The following TAS1R1 variants were observed in gnomAD, a reference collection of about 807,000 sequenced individuals.
TAS1R1 encodes taste receptor type 1 member 1.
A neutral mutation model predicts 45.8 loss-of-function variants in TAS1R1; 31 were observed. The ratio of observed to expected loss-of-function variants is 0.68; its 90% CI spans 0.51 to 0.91. The LOEUF (loss-of-function observed/expected upper bound fraction) is 0.91, where lower values mean the gene tolerates loss of function less well. Among genes scored for constraint, TAS1R1 ranks in the 40% least tolerant of loss-of-function variants. The pLI, the probability that TAS1R1 is intolerant of heterozygous loss-of-function variation, is 0.00. For missense variants in TAS1R1, 1,051 were observed against 1,063.9 expected (o/e 0.99, Z 0.17); for synonymous variants, 437 against 448.4 (o/e 0.97, Z 0.32).
rs76289157 is a variant in TAS1R1 at position 6,579,697 on chromosome 1, G to C, written c.*113G>C. On this transcript the variant is annotated 3_prime_UTR_variant, in exon 6 of 6. Coordinates refer to ENST00000333172, the MANE Select transcript of TAS1R1 (RefSeq NM_138697.4). ...GCATCGCGGTCTGGGGTTGGGACGT[G>C]TAAGCGCCTGGGAGAGCCTAGACCA... 5.8e-3 allele frequency: 8,272 copies of C among 1,419,152 alleles called. 356 individuals are homozygous for C. In the African/African-American group the frequency reaches 0.1, roughly 17 times the overall value. The allele number at this position is 1,419,152 out of a possible 1,614,324, so 87.9% of individuals were successfully genotyped here.
chr1:6,579,150 C>T lies in TAS1R1; in HGVS notation c.2092C>T (p.Leu698=). 1 of 1,614,220 alleles carries T rather than the reference C, an allele frequency of 6.2e-7. No homozygotes were observed. Among genetic ancestry groups the T allele is most frequent in the Non-Finnish European group, 8.5e-7 (1 of 1,180,034 alleles). Residue 698 remains leucine (L), a synonymous_variant, in exon 6 of 6, where the codon CTG becomes TTG. Coordinates refer to ENST00000333172, the MANE Select transcript of TAS1R1 (RefSeq NM_138697.4). ...AAQLLICLTW[L]VVWTPLPARE... ...CCAGCTGCTTATCTGTCTAACTTGG[C>T]TGGTGGTGTGGACCCCACTGCCTGC...
intron 1 of TAS1R1, among the ~76,000 whole-genome samples, chr1:6,556,247 T>G (rs1371466894): frequency 6.6e-6 from 1 of 152,160 alleles, no homozygotes; most frequent in Non-Finnish European, 1.5e-5. Flanking sequence ...ACAAGTAGGA[T>G]TCTCCATGGT....
At chr1:6,577,964 T>C (rs1458807638) in intron 5 of TAS1R1, among the ~76,000 whole-genome samples, 1 of 152,206 alleles carries the variant, frequency 6.6e-6, no homozygotes, top group Non-Finnish European at 1.5e-5. Flanking sequence ...TAAATGAATA[T>C]AGCTATTGTT....
chr1:6,569,945 G>A (rs1036084320), intron 1 of TAS1R1, among the ~76,000 whole-genome samples: 2 of 148,804 alleles, frequency 1.3e-5, no homozygotes, highest in African/African-American at 2.4e-5. Context: ...GGAAGGGGAG[G>A]GTGGCCAGGA....
intron 2 of TAS1R1, among the ~76,000 whole-genome samples, chr1:6,572,285 T>C (rs1050809533): frequency 1.2e-5 from 1 of 82,162 alleles, no homozygotes; most frequent in African/African-American, 4.0e-5. Context: ...TTTTTTTTTT[T>C]TGAGACACAG....
At chr1:6,573,148 A>G (rs1234006401) in intron 2 of TAS1R1, among the ~76,000 whole-genome samples, 1 of 152,168 alleles carries the variant, frequency 6.6e-6, no homozygotes, top group African/African-American at 2.4e-5. Flanking sequence ...AGTCAGAGAT[A>G]CGCTCATGAA....
intron 1 of TAS1R1, among the ~76,000 whole-genome samples, chr1:6,560,093 TCAAGACCAGCCTGAC>T (rs1441157355): frequency 3.3e-5 from 5 of 150,974 alleles, no homozygotes; most frequent in African/African-American, 9.8e-5. Flanking sequence ...GTTCAGGAGT[TCAAGACCAGCCTGAC>T]CAACATGGAG....
At chr1:6,562,429 A>G (rs1639806541) in intron 1 of TAS1R1, among the ~76,000 whole-genome samples, 1 of 152,070 alleles carries the variant, frequency 6.6e-6, no homozygotes, top group South Asian at 2.1e-4. Flanking sequence ...CGGCCTCCCA[A>G]AGTGCTGGGA....
At chr1:6,568,954 T>G (rs1171282956) in intron 1 of TAS1R1, among the ~76,000 whole-genome samples, 2 of 148,980 alleles carry the variant, frequency 1.3e-5, no homozygotes, top group African/African-American at 4.9e-5. Flanking sequence ...TGGTAGAGGT[T>G]GGAGAGGGAG....
chr1:6,559,259 G>C (rs920185445), intron 1 of TAS1R1, among the ~76,000 whole-genome samples: 4 of 150,950 alleles, frequency 2.6e-5, no homozygotes, highest in Admixed American at 6.6e-5. Flanking sequence ...CGAACTTCTG[G>C]CCTCAAGTGA....
chr1:6,579,736 C>A lies in TAS1R1; in HGVS notation c.*152C>A. 9.3e-7 allele frequency: 1 copy of A among 1,072,264 alleles called. No individual in the cohort carries two copies. The highest frequency in any genetic ancestry group is 1.3e-6 in the Non-Finnish European group (1 of 768,480). 66.4% of individuals were successfully genotyped at this position (1,072,264 alleles called of 1,614,324 possible). A position where few individuals can be genotyped will look rare whatever the true frequency, so the allele number is the denominator to read the frequency against. ...GAGCCTAGACCAGGCTCCGGGCTGC[C>A]AATAAAGAAGTGAAATGCGTATCTG... On this transcript the variant is annotated 3_prime_UTR_variant, in exon 6 of 6. Coordinates refer to ENST00000333172, the MANE Select transcript of TAS1R1 (RefSeq NM_138697.4).
intron 1 of TAS1R1, among the ~76,000 whole-genome samples, chr1:6,560,446 C>T (rs1047993885): frequency 7.9e-5 from 12 of 152,148 alleles, no homozygotes; most frequent in South Asian, 2.1e-4. Flanking sequence ...GGAGCAGGGG[C>T]GCCTAGGGGC....
Position 6,571,107 on chromosome 1 carries a change from A to G in TAS1R1, c.390A>G (p.Gln130=). The change falls in exon 2 of 6, where the codon CAA becomes CAG. Residue 130 remains glutamine (Q), a synonymous_variant. Transcript: ENST00000333172. ...CAGGGCAACACCACATAGAGCTCCA[A>G]GGAGACCTTCTCCACTATTCCCCTA... ...SLPGQHHIEL[Q]GDLLHYSPTV... 1 of 1,614,054 alleles carries G rather than the reference A, an allele frequency of 6.2e-7. No homozygotes were observed. Among genetic ancestry groups the G allele is most frequent in the African/African-American group, 1.3e-5 (1 of 75,050 alleles).
intron 1 of TAS1R1, among the ~76,000 whole-genome samples, chr1:6,564,039 G>A (rs992150586): frequency 6.6e-5 from 10 of 152,132 alleles, no homozygotes; most frequent in African/African-American, 2.2e-4. Context: ...CTTTAGGGAC[G>A]GGCATGAGGC....
Position 6,567,086 on chromosome 1 carries a change from T to C in TAS1R1, c.192-3823T>C, listed in dbSNP as rs146026995. ...AGGTGATACAAGCCTTGAATTTGGC[T>C]AAAAGGTCTCAGCCTAGAATGGGGA... On this transcript the variant is annotated intron_variant, in intron 1 of 5. Transcript: ENST00000333172. Among the ~76,000 whole-genome samples, 55 of 152,224 alleles carry C rather than the reference T, an allele frequency of 3.6e-4. No homozygotes were observed. In the East Asian group the frequency reaches 9.5e-3, roughly 26 times the overall value.
chr1:6,578,623 C>T lies in TAS1R1; in HGVS notation c.1595-30C>T, dbSNP rs760251932. 2.6e-6 allele frequency: 4 copies of T among 1,528,850 alleles called. No homozygotes were observed. In the Admixed American group the frequency reaches 8.5e-5, roughly 33 times the overall value. 94.7% of individuals were successfully genotyped at this position (1,528,850 alleles called of 1,614,324 possible). On this transcript the variant is annotated intron_variant, in intron 5 of 5. Transcript: ENST00000333172. ...CTATTCCTACTCTGCTCATCTGGCT[C>T]TCAGGAACCTTCTTGGCCTTCCCTT...
chr1:6,579,650 G>T lies in TAS1R1; in HGVS notation c.*66G>T. 1 of 1,528,426 alleles carries T rather than the reference G, an allele frequency of 6.5e-7. No homozygotes were observed. The allele number at this position is 1,528,426 out of a possible 1,614,324, so 94.7% of individuals were successfully genotyped here. ...TGAGGGTCGAAGGTCGAGCAGGCCGGGGGTGTCCGGGAGGTCTTTGGGCAT... is the reference window on the plus strand; with the variant it reads ...TGAGGGTCGAAGGTCGAGCAGGCCGTGGGTGTCCGGGAGGTCTTTGGGCAT... On this transcript the variant is annotated 3_prime_UTR_variant, in exon 6 of 6. Transcript: ENST00000333172.
chr1:6,570,896 G>T lies in TAS1R1; in HGVS notation c.192-13G>T. 2.5e-6 allele frequency: 4 copies of T among 1,580,984 alleles called. No individual in the cohort carries two copies. Among genetic ancestry groups the T allele is most frequent in the Non-Finnish European group, 3.4e-6 (4 of 1,163,154 alleles). ...TGTCCTTCTCAGCTGTCTCTTACTG[G>T]CTTTCTCCACAGGTCTTGTAGCTTC... is the stretch of plus-strand genomic sequence containing the variant. On this transcript the variant is annotated splice_polypyrimidine_tract_variant and intron_variant, in intron 1 of 5. Coordinates refer to ENST00000333172, the MANE Select transcript of TAS1R1 (RefSeq NM_138697.4).
chr1:6,557,233 G>A lies in TAS1R1; in HGVS notation c.191+1669G>A, dbSNP rs543093361. ...ATAAAGAGATAAAGAGAATGGGCTG[G>A]GAAGAGAGATTGGGTAGAGCAGGAG... is the stretch of plus-strand genomic sequence containing the variant. On this transcript the variant is annotated intron_variant, in intron 1 of 5. Transcript: ENST00000333172. 2.0e-5 allele frequency among the ~76,000 whole-genome samples: 3 copies of A among 151,966 alleles called. No homozygotes were observed. The South Asian group carries it at 6.3e-4, about 32-fold the overall frequency.
Sources: allele counts gnomAD v4.1 joint callset (sites outside exome capture counted in the v4.1 genomes callset), GRCh38; gene constraint gnomAD v4.1.1; transcripts MANE v1.5; gene names NCBI Gene and HGNC (gene_info 2026-07-23, HGNC 2026-07-21).